The following HTR3B variants were observed in gnomAD, a reference collection of about 807,000 sequenced individuals.
HTR3B encodes the protein 5-hydroxytryptamine (serotonin) receptor 3B, ionotropic.
A neutral mutation model predicts 42.8 loss-of-function variants in HTR3B; 44 were observed. The observed-to-expected ratio is 1.03, with a 90% CI of 0.81 to 1.32. The LOEUF (loss-of-function observed/expected upper bound fraction) is 1.32. Among genes scored for constraint, HTR3B ranks in the 40% most tolerant of loss-of-function variants. The pLI, the probability that HTR3B is intolerant of heterozygous loss-of-function variation, is 0.00. For missense variants in HTR3B, 527 were observed against 536.5 expected (o/e 0.98, Z 0.17); for synonymous variants, 203 against 209.0 (o/e 0.97, Z 0.25).
upstream of HTR3B, among the ~76,000 whole-genome samples, chr11:113,900,114 C>T (rs1046017013): frequency 1.1e-4 from 16 of 151,904 alleles, no homozygotes; most frequent in African/African-American, 2.2e-4. Context: ...AAAAATTAGC[C>T]GGGTGTGGTG....
chr11:113,927,928 T>G (rs1949992427), intron 2 of HTR3B, among the ~76,000 whole-genome samples: 1 of 152,188 alleles, frequency 6.6e-6, no homozygotes. Context: ...ATGTGCAGGT[T>G]TGTTACATAG....
chr11:113,929,305 A>G (rs1950008375), intron 2 of HTR3B, among the ~76,000 whole-genome samples: 1 of 152,162 alleles, frequency 6.6e-6, no homozygotes, highest in African/African-American at 2.4e-5. Flanking sequence ...CTGCCGTAAC[A>G]AATACCACAG....
upstream of HTR3B, among the ~76,000 whole-genome samples, chr11:113,902,079 G>A (rs1417779214): frequency 6.6e-6 from 1 of 152,090 alleles, no homozygotes; most frequent in Non-Finnish European, 1.5e-5. Flanking sequence ...CCATTTATCT[G>A]CCCACCCTCT....
intron 2 of HTR3B, among the ~76,000 whole-genome samples, chr11:113,922,937 A>G (rs1841296470): frequency 6.6e-6 from 1 of 152,224 alleles, no homozygotes; most frequent in Non-Finnish European, 1.5e-5. Context: ...TGAGGGAAGG[A>G]CTTTCTTACT....
At chr11:113,931,306 G>A (rs1159639959) in intron 2 of HTR3B, 78 bp from the exon 3 acceptor site, 2 of 1,035,032 alleles carry the variant, frequency 1.9e-6, no homozygotes, top group Non-Finnish European at 3.0e-6. Context: ...TTCTTCTTCT[G>A]AATTTCCTTA....
upstream of HTR3B, chr11:113,904,553 T>C (rs3758987): frequency 0.31 from 52,791 of 170,498 alleles, 8,346 homozygotes; most frequent in African/African-American, 0.37. Context: ...TCAGCAAGAG[T>C]ACTGCCTTAG....
chr11:113,928,789 G>A (rs1414444208), intron 2 of HTR3B, among the ~76,000 whole-genome samples: 3 of 152,078 alleles, frequency 2.0e-5, no homozygotes, highest in Middle Eastern at 3.2e-3. Context: ...CACCCACCTC[G>A]GCCTCCCAAA....
intron 2 of HTR3B, among the ~76,000 whole-genome samples, chr11:113,919,946 A>G (rs11214769): frequency 0.26 from 40,213 of 152,048 alleles, 5,421 homozygotes; most frequent in Middle Eastern, 0.36. Context: ...CAACTTAGAT[A>G]AACCCCTAAT....
chr11:113,906,634 G>C (rs549818897), intron 1 of HTR3B, among the ~76,000 whole-genome samples: 25 of 152,206 alleles, frequency 1.6e-4, no homozygotes, highest in African/African-American at 5.8e-4. Context: ...GATATTCTCA[G>C]GGAGCCAGGT....
intron 2 of HTR3B, among the ~76,000 whole-genome samples, chr11:113,922,279 A>T (rs1949923668): frequency 6.6e-6 from 1 of 151,832 alleles, no homozygotes. Flanking sequence ...TCACTCTATC[A>T]TCCAGGCTGG....
chr11:113,903,680 G>A (rs540011503), upstream of HTR3B, among the ~76,000 whole-genome samples: 11 of 151,838 alleles, frequency 7.2e-5, no homozygotes, highest in East Asian at 1.6e-3. Context: ...CACTGGCCTC[G>A]GCCTCCCAAA....
chr11:113,933,380 C>G (rs989901478), intron 6 of HTR3B, among the ~76,000 whole-genome samples: 1 of 152,118 alleles, frequency 6.6e-6, no homozygotes, highest in Non-Finnish European at 1.5e-5. Flanking sequence ...TCTTTCCACA[C>G]ACACTTACAT....
Position 113,909,424 on chromosome 11 carries a change from T to A in HTR3B, c.182T>A (p.Leu61Gln), listed in dbSNP as rs1949761671. ...TGGACCAAGGCCACCACAGTCTACCTGGACCTGTTCGTCCATGCTATATTG... is the reference window on the plus strand; with the variant it reads ...TGGACCAAGGCCACCACAGTCTACCAGGACCTGTTCGTCCATGCTATATTG... ...YNWTKATTVY[L>Q]DLFVHAILDV... is the part of the protein sequence containing the mutation. Residue 61 changes from leucine (L) to glutamine (Q), a missense_variant, in exon 2 of 9, where the codon CTG becomes CAG. Physicochemically the swap from Leu to Gln is moderately radical, Grantham distance 113. Coordinates refer to ENST00000260191, the MANE Select transcript of HTR3B (RefSeq NM_006028.5). The A allele has an allele frequency of 1.2e-6, 2 of 1,614,178 alleles. No homozygotes were observed. Among genetic ancestry groups the A allele is most frequent in the East Asian group, 4.5e-5 (2 of 44,882 alleles).
At chr11:113,933,484 ATT>A (rs201659847) in intron 6 of HTR3B, among the ~76,000 whole-genome samples, 1 of 149,022 alleles carries the variant, frequency 6.7e-6, no homozygotes, top group Non-Finnish European at 1.5e-5. Flanking sequence ...TTATTGTCCT[ATT>A]TTTTTTTTAT....
rs1950195948 is a variant in HTR3B, at chr11:113,948,546, G to GA, written c.*2415dup. 6.6e-6 allele frequency among the ~76,000 whole-genome samples: 1 copy of GA among 152,094 alleles called. No homozygotes were observed. Among genetic ancestry groups the GA allele is most frequent in the Admixed American group, 6.5e-5 (1 of 15,274 alleles). ...ATCAAAGAGTTATGAGGATCAAAAT[G>GA]AAAAAATGTATTGAACAATGCTTTG... On this transcript the variant is annotated 3_prime_UTR_variant, in exon 9 of 9. Transcript: ENST00000260191.
chr11:113,936,742 G>T (rs1487881020), intron 6 of HTR3B, among the ~76,000 whole-genome samples: 1 of 152,162 alleles, frequency 6.6e-6, no homozygotes, highest in Non-Finnish European at 1.5e-5. Context: ...TGCTGGGAGG[G>T]GCTTTGGAGA....
intron 2 of HTR3B, among the ~76,000 whole-genome samples, chr11:113,923,279 T>A (rs9633939): frequency 6.6e-6 from 1 of 152,220 alleles, no homozygotes; most frequent in African/African-American, 2.4e-5. Context: ...TTGTTTAGAA[T>A]GAAGAGCTTT....
upstream of HTR3B, among the ~76,000 whole-genome samples, chr11:113,903,817 A>T (rs1034650656): frequency 3.3e-4 from 50 of 152,228 alleles, no homozygotes; most frequent in Non-Finnish European, 1.5e-4. Flanking sequence ...CCAAATGGTT[A>T]TCTTAGTTTT....
Position 113,948,959 on chromosome 11 carries a change from C to A in HTR3B, c.*2822C>A, listed in dbSNP as rs1483211138. On this transcript the variant is annotated 3_prime_UTR_variant, in exon 9 of 9. Coordinates refer to ENST00000260191, the MANE Select transcript of HTR3B (RefSeq NM_006028.5). The stretch of plus-strand genomic sequence containing the variant: ...ATGGGTGCAGCACAGCAACGTGGCA[C>A]GTGTATACATATGTAACAAACCTGC... Among the ~76,000 whole-genome samples the A allele has an allele frequency of 2.0e-5, 3 of 152,106 alleles. No homozygotes were observed. The highest frequency in any genetic ancestry group is 4.4e-5 in the Non-Finnish European group (3 of 68,026).
Sources: gnomAD v4.1 joint callset for allele counts (sites outside exome capture counted in the v4.1 genomes callset) on GRCh38, gnomAD v4.1.1 for gene constraint, MANE v1.5 for transcripts, NCBI Gene and HGNC (gene_info 2026-07-23, HGNC 2026-07-21) for gene names.